PRAG1: variants seen among roughly 807,000 people sequenced by gnomAD.
PRAG1 encodes the protein inactive tyrosine-protein kinase PRAG1.
PRAG1 carries 110 observed loss-of-function variants against 95.6 expected under a neutral mutation model. The observed-to-expected ratio is 1.15, with a 90% confidence interval of 0.99 to 1.35. PRAG1 has a LOEUF of 1.35. PRAG1 is among the 40% of genes most tolerant of loss of function. The pLI is 0.00. For synonymous variants in PRAG1, 1,052 were observed against 819.4 expected (o/e 1.28, Z -4.85); for missense variants, 2,554 against 1,864.7 (o/e 1.37, Z -6.81).
In PRAG1 at chr8:8,376,662, T is replaced by G. The variant is rs199715689; in HGVS notation, c.1747A>C (p.Ile583Leu). Residue 583 changes from isoleucine (I) to leucine (L), a missense_variant, in exon 3 of 6, where the codon ATT (isoleucine) becomes CTT (leucine). Physicochemically the swap from Ile to Leu is conservative, Grantham distance 5 (BLOSUM62 2). Coordinates refer to ENST00000615670, the MANE Select transcript of PRAG1 (RefSeq NM_001080826.3). ...LSDGSSGGSS[I>L]GPQPPSQGPA... ...CCTTGGGATGGAGGCTGGGGCCCAA[T>G]GCTGCTGCCGCCAGAGCTCCCATCA... is the stretch of plus-strand genomic sequence containing the variant. 6.2e-7 allele frequency: 1 copy of G among 1,610,670 alleles called. No homozygotes were observed.
In PRAG1 at chr8:8,328,315, G is replaced by A. The variant is rs201258121; in HGVS notation, c.2467C>T (p.Arg823Trp). 97 of 1,613,686 alleles carry A rather than the reference G, an allele frequency of 6.0e-5. No individual in the cohort carries two copies. Among genetic ancestry groups the A allele is most frequent in the Admixed American group, 1.8e-4 (11 of 59,998 alleles). Residue 823 changes from arginine (R) to tryptophan (W), a missense_variant, in exon 5 of 6, where the codon CGG (arginine) becomes TGG (tryptophan). Transcript: ENST00000615670. ...PPLPQKKIVS[R>W]AASSPDGFFW... Reference sequence around the variant, plus strand: ...AAGCCATCCGGTGAAGAGGCTGCCCGGCTCACTATCTTTTTCTGGGGGAGT... The same window carrying A: ...AAGCCATCCGGTGAAGAGGCTGCCCAGCTCACTATCTTTTTCTGGGGGAGT...
chr8:8,344,711 A>C (rs1431371614), intron 3 of PRAG1, among the ~76,000 whole-genome samples: 2 of 152,202 alleles, frequency 1.3e-5, no homozygotes, highest in African/African-American at 2.4e-5. Flanking sequence ...CTAGTGAGAA[A>C]GCAAATCACA....
At chr8:8,344,677 T>A in intron 3 of PRAG1, among the ~76,000 whole-genome samples, 1 of 152,206 alleles carries the variant, frequency 6.6e-6, no homozygotes, top group East Asian at 1.9e-4. Context: ...CTTGGAATAT[T>A]TGATACACTA....
intron 3 of PRAG1, among the ~76,000 whole-genome samples, chr8:8,354,533 T>C (rs1229110632): frequency 6.6e-6 from 1 of 152,180 alleles, no homozygotes; most frequent in Non-Finnish European, 1.5e-5. Context: ...CAATTCTCAA[T>C]AAAGTATTGC....
At chr8:8,326,766 G>C (rs1798648057) in intron 5 of PRAG1, among the ~76,000 whole-genome samples, 1 of 152,206 alleles carries the variant, frequency 6.6e-6, no homozygotes. Flanking sequence ...TTTGGAGACA[G>C]ACACAGAAGA....
intron 3 of PRAG1, among the ~76,000 whole-genome samples, chr8:8,351,434 T>C (rs184103939): frequency 3.3e-4 from 51 of 152,332 alleles, no homozygotes; most frequent in Admixed American, 2.9e-3. Context: ...TGAGTAATTC[T>C]TTTTGCTATC....
In PRAG1 at chr8:8,381,503, G is replaced by A; in HGVS notation, c.245C>T (p.Pro82Leu). The change falls in exon 2 of 6, where the codon CCC becomes CTC. Residue 82 changes from proline (P) to leucine (L), a missense_variant. Transcript: ENST00000615670. ...CATGGTGGGCTTCACGGCAATTGTG[G>A]GCTTGGAGTAAGGTGAGCTGTTCAC... is the stretch of plus-strand genomic sequence containing the variant. ...EGVNSSPYSK[P>L]TIAVKPTMMS... 1 of 1,614,236 alleles carries A rather than the reference G, an allele frequency of 6.2e-7. No homozygotes were observed. The highest frequency in any genetic ancestry group is 1.1e-5 in the South Asian group (1 of 91,088).
chr8:8,325,011 C>T (rs138730499), intron 5 of PRAG1, among the ~76,000 whole-genome samples: 1 of 152,278 alleles, frequency 6.6e-6, no homozygotes, highest in East Asian at 1.9e-4. Flanking sequence ...ACTAGGACTC[C>T]GCGACCGCAA....
In PRAG1 at chr8:8,381,704, G is replaced by A; in HGVS notation, c.44C>T (p.Ser15Phe). Residue 15 changes from serine to phenylalanine, a missense_variant, in exon 2 of 6, where the codon TCT (serine) becomes TTT (phenylalanine). Coordinates refer to ENST00000615670, the MANE Select transcript of PRAG1 (RefSeq NM_001080826.3). ...LCLNPESLKM[S>F]ACSDFVEHIW... Reference sequence around the variant, plus strand: ...GTGCTCCACAAAGTCACTGCACGCAGACATTTTCAGGCTCTCGGGGTTCAG... The same window carrying A: ...GTGCTCCACAAAGTCACTGCACGCAAACATTTTCAGGCTCTCGGGGTTCAG... The A allele has an allele frequency of 6.2e-7, 1 of 1,607,436 alleles. No homozygotes were observed. Among genetic ancestry groups the A allele is most frequent in the Non-Finnish European group, 8.5e-7 (1 of 1,174,792 alleles).
At position 8,376,270 on chromosome 8, in the gene PRAG1, A is replaced by G. The variant is rs754903403; in HGVS notation, c.2139T>C (p.Pro713=). The change falls in exon 3 of 6, where the codon CCT becomes CCC. Residue 713 remains proline, a synonymous_variant. Coordinates refer to ENST00000615670, the MANE Select transcript of PRAG1 (RefSeq NM_001080826.3). ...KDRSGIETFS[P]PPPPPKSRHL... Reference sequence around the variant, plus strand: ...ACCGCGACTTTGGAGGCGGAGGAGGAGGTGAGAATGTCTCAATCCCACTTC... The same window carrying G: ...ACCGCGACTTTGGAGGCGGAGGAGGGGGTGAGAATGTCTCAATCCCACTTC... 6.2e-7 allele frequency: 1 copy of G among 1,613,862 alleles called. No homozygotes were observed. The highest frequency in any genetic ancestry group is 1.7e-5 in the Admixed American group (1 of 60,006).
chr8:8,370,515 G>A lies in PRAG1; in HGVS notation c.2162+5732C>T, dbSNP rs182585226. On this transcript the variant is annotated intron_variant, in intron 3 of 5. Transcript: ENST00000615670. ...TACAAACTGTGATTTTCAAAATGCC[G>A]CCCAGAAAAGGCCGTTATGCATCAA... Among the ~76,000 whole-genome samples the A allele has an allele frequency of 2.6e-4, 40 of 152,284 alleles. No homozygotes were observed. The East Asian group carries it at 3.9e-3, about 15-fold the overall frequency.
Position 8,378,085 on chromosome 8 carries a change from A to G in PRAG1, c.331-7T>C. On this transcript the variant is annotated splice_polypyrimidine_tract_variant and splice_region_variant and intron_variant, in intron 2 of 5. Coordinates refer to ENST00000615670, the MANE Select transcript of PRAG1 (RefSeq NM_001080826.3). Reference sequence around the variant, plus strand: ...GGGCTCGTCTCCAGATGACCTACACACAAGCCCAACGCAAAAAGACTTATA... The same window carrying G: ...GGGCTCGTCTCCAGATGACCTACACGCAAGCCCAACGCAAAAAGACTTATA... 6.6e-7 allele frequency: 1 copy of G among 1,518,478 alleles called. No individual in the cohort carries two copies. Among genetic ancestry groups the G allele is most frequent in the African/African-American group, 1.4e-5 (1 of 71,808 alleles). 94.1% of individuals were successfully genotyped at this position (1,518,478 alleles called of 1,614,324 possible).
At chr8:8,359,382 T>C (rs188497714) in intron 3 of PRAG1, among the ~76,000 whole-genome samples, 2 of 152,326 alleles carry the variant, frequency 1.3e-5, no homozygotes, top group East Asian at 1.9e-4. Flanking sequence ...AGAAGGAGTA[T>C]GCCTATTACA....
chr8:8,339,362 A>G, intron 4 of PRAG1, 116 bp downstream of exon 4: 1 of 1,122,712 alleles, frequency 8.9e-7, no homozygotes. Flanking sequence ...CTTCATTGAG[A>G]AAGCAGGACC....
At chr8:8,342,645 C>A (rs1033046537) in intron 3 of PRAG1, among the ~76,000 whole-genome samples, 3 of 152,070 alleles carry the variant, frequency 2.0e-5, no homozygotes, top group Admixed American at 6.5e-5. Flanking sequence ...ATTTCCAGGA[C>A]ACAGACCCAA....
At position 8,327,739 on chromosome 8, in the gene PRAG1, C is replaced by G; in HGVS notation, c.3043G>C (p.Glu1015Gln). The G allele has an allele frequency of 6.2e-7, 1 of 1,613,934 alleles. No individual in the cohort carries two copies. The highest frequency in any genetic ancestry group is 8.5e-7 in the Non-Finnish European group (1 of 1,179,850). ...ACAGCATAGGTGCTGCCGGGGTCCT[C>G]AGAGCAGGTGGCACAGTAATAAATG... ...DAIYYCATCSEDPGSTYAVKI... is the reference protein window; with the variant it reads ...DAIYYCATCSQDPGSTYAVKI... Residue 1015 changes from glutamate to glutamine, a missense_variant, in exon 5 of 6, where the codon GAG becomes CAG. By Grantham distance (29) the Glu-to-Gln change is conservative (BLOSUM62 2). Coordinates refer to ENST00000615670, the MANE Select transcript of PRAG1 (RefSeq NM_001080826.3).
intron 3 of PRAG1, among the ~76,000 whole-genome samples, chr8:8,357,566 T>C (rs190871616): frequency 6.6e-6 from 1 of 152,294 alleles, no homozygotes; most frequent in East Asian, 1.9e-4. Context: ...GTGGAGAAAT[T>C]GGAACCCTTG....
At chr8:8,337,257 C>T (rs894313856) in intron 4 of PRAG1, among the ~76,000 whole-genome samples, 2 of 152,118 alleles carry the variant, frequency 1.3e-5, no homozygotes, top group Non-Finnish European at 2.9e-5. Flanking sequence ...GTACTGCATG[C>T]CAAACAGTAA....
intron 3 of PRAG1, among the ~76,000 whole-genome samples, chr8:8,370,236 C>T (rs1000893615): frequency 1.3e-5 from 2 of 152,230 alleles, no homozygotes; most frequent in African/African-American, 4.8e-5. Context: ...TCCTGTGTTT[C>T]AAGGTTCCAT....
Sources: allele counts gnomAD v4.1 joint callset (sites outside exome capture counted in the v4.1 genomes callset), GRCh38; gene constraint gnomAD v4.1.1; transcripts MANE v1.5; gene names NCBI Gene and HGNC (gene_info 2026-07-23, HGNC 2026-07-21).